CLMP: variants seen among roughly 807,000 people sequenced by gnomAD.
CLMP encodes the protein CXADR like cell adhesion molecule, also known as CXADR-like membrane protein.
In CLMP, 27 loss-of-function variants were observed where a neutral mutation model predicts 45.2. The ratio of observed to expected loss-of-function variants is 0.60; its 90% CI spans 0.44 to 0.82. CLMP has a LOEUF of 0.82. Among genes scored for constraint, CLMP ranks in the 40% least tolerant of loss-of-function variants. CLMP has a pLI of 0.00. For synonymous variants in CLMP, 167 were observed against 171.4 expected, an observed-to-expected ratio of 0.97 and a Z score of 0.20; for missense variants, 403 against 448.4, an observed-to-expected ratio of 0.90 and a Z score of 0.91.
At position 123,074,719 on chromosome 11, in the gene CLMP, C is replaced by G. The variant is rs368097591; in HGVS notation, c.804G>C (p.Glu268Asp). ...AGGTTTACCGAATTTCATTAGGTCTCTCTTCTTCCTCATATCTTTCTTTGT... is the reference window on the plus strand; with the variant it reads ...AGGTTTACCGAATTTCATTAGGTCTGTCTTCTTCCTCATATCTTTCTTTGT... ...RKDKERYEEE[E>D]RPNEIREDAE... The change falls in exon 6 of 7, where the codon GAG (glutamate) becomes GAC (aspartate). Residue 268 changes from glutamate (E) to aspartate (D), a missense_variant. Coordinates refer to ENST00000448775, the MANE Select transcript of CLMP (RefSeq NM_024769.5). 3.7e-6 allele frequency: 6 copies of G among 1,614,030 alleles called. No individual in the cohort carries two copies. Among genetic ancestry groups the G allele is most frequent in the Admixed American group, 1.7e-5 (1 of 59,976 alleles).
At chr11:123,186,431 G>C (rs1254805431) in intron 1 of CLMP, among the ~76,000 whole-genome samples, 1 of 152,096 alleles carries the variant, frequency 6.6e-6, no homozygotes, top group African/African-American at 2.4e-5. Flanking sequence ...ATGCCAAGCA[G>C]CGTAGAAGGG....
chr11:123,084,579 GC>G lies in CLMP; in HGVS notation c.320del (p.Gly107AlafsTer20). 6.2e-7 allele frequency: 1 copy of G among 1,614,170 alleles called. No individual in the cohort carries two copies. The highest frequency in any genetic ancestry group is 8.5e-7 in the Non-Finnish European group (1 of 1,180,022). On this transcript the variant is annotated frameshift_variant, in exon 3 of 7. Coordinates refer to ENST00000448775, the MANE Select transcript of CLMP (RefSeq NM_024769.5). LOFTEE classifies it high-confidence loss of function. ...AATTCTTAACCTTACAGGTGTACCG[GC>G]CCTCATCACTGGGCTTCAGAGGTTC... ...QIEPLKPSDE[G>X]RYTCKVKNSG...
In CLMP at chr11:123,073,751, G is replaced by A; in HGVS notation, c.845C>T (p.Ala282Val). 6.3e-7 allele frequency: 1 copy of A among 1,599,504 alleles called. No homozygotes were observed. The highest frequency in any genetic ancestry group is 8.5e-7 in the Non-Finnish European group (1 of 1,173,368). The change falls in exon 7 of 7, where the codon GCC (alanine) becomes GTC (valine). Residue 282 changes from alanine (A) to valine (V), a missense_variant. Physicochemically the swap from Ala to Val is moderately conservative, Grantham distance 64. Transcript: ENST00000448775. ...AGAGGAGCTGGGTTTCACAAGACGGGCTTTTGGAGCTTCAGCATCTTCTCT... is the reference window on the plus strand; with the variant it reads ...AGAGGAGCTGGGTTTCACAAGACGGACTTTTGGAGCTTCAGCATCTTCTCT... ...EIREDAEAPK[A>V]RLVKPSSSSS...
intron 2 of CLMP, among the ~76,000 whole-genome samples, chr11:123,090,678 C>T (rs1865921041): frequency 6.6e-6 from 1 of 152,130 alleles, no homozygotes; most frequent in Non-Finnish European, 1.5e-5. Context: ...TTCAAGAAGG[C>T]CCCTAAGGTT....
intron 5 of CLMP, among the ~76,000 whole-genome samples, chr11:123,079,759 T>C (rs546512108): frequency 1.6e-4 from 25 of 152,312 alleles, no homozygotes; most frequent in African/African-American, 5.8e-4. Flanking sequence ...TGTTGTGTTT[T>C]TAAGAAAAAT....
intron 5 of CLMP, among the ~76,000 whole-genome samples, chr11:123,080,671 A>T (rs1366429438): frequency 6.6e-6 from 1 of 152,174 alleles, no homozygotes; most frequent in Non-Finnish European, 1.5e-5. Flanking sequence ...CATTACTTGG[A>T]CATATTTTTA....
At chr11:123,096,532 AAAAT>A in intron 2 of CLMP, among the ~76,000 whole-genome samples, 1 of 152,270 alleles carries the variant, frequency 6.6e-6, no homozygotes, top group Admixed American at 6.6e-5. Flanking sequence ...CCAAAATAAA[AAAAT>A]AAATAAATCA....
chr11:123,124,502 T>C (rs1277785064), intron 1 of CLMP, among the ~76,000 whole-genome samples: 1 of 152,238 alleles, frequency 6.6e-6, no homozygotes, highest in Non-Finnish European at 1.5e-5. Context: ...CATGCAGGAC[T>C]ATCTGGCAGC....
intron 2 of CLMP, among the ~76,000 whole-genome samples, chr11:123,090,453 G>A (rs1005933905): frequency 6.6e-6 from 1 of 151,852 alleles, no homozygotes; most frequent in Admixed American, 6.6e-5. Context: ...GTGCCAGGCC[G>A]CAGTGATTGG....
Position 123,099,214 on chromosome 11 carries a change from C to T in CLMP, c.29-1262G>A, listed in dbSNP as rs115705900. On this transcript the variant is annotated intron_variant, in intron 1 of 6. Coordinates refer to ENST00000448775, the MANE Select transcript of CLMP (RefSeq NM_024769.5). ...ACTCATGGAAACTGCACTAAGTTGC[C>T]CAGAAACTCATGTTCTTAAGTTATA... is the stretch of plus-strand genomic sequence containing the variant. Among the ~76,000 whole-genome samples the T allele has an allele frequency of 5.2e-3, 790 of 152,210 alleles. 10 individuals carry two copies. The highest frequency in any genetic ancestry group is 0.018 in the African/African-American group (756 of 41,544).
intron 1 of CLMP, among the ~76,000 whole-genome samples, chr11:123,143,274 C>T (rs1015141760): frequency 6.6e-6 from 1 of 152,194 alleles, no homozygotes; most frequent in Non-Finnish European, 1.5e-5. Context: ...CTCCTACAAG[C>T]TGAGTGACTG....
chr11:123,177,724 T>A (rs1259190404), intron 1 of CLMP, among the ~76,000 whole-genome samples: 1 of 152,198 alleles, frequency 6.6e-6, no homozygotes, highest in Non-Finnish European at 1.5e-5. Context: ...ATGACACATG[T>A]TTAAAACATC....
At chr11:123,133,256 G>A (rs1401062465) in intron 1 of CLMP, among the ~76,000 whole-genome samples, 2 of 152,024 alleles carry the variant, frequency 1.3e-5, no homozygotes, top group African/African-American at 4.8e-5. Context: ...CTCCTTGACC[G>A]GGCCCTAGTC....
At chr11:123,094,165 T>C (rs1258863371) in intron 2 of CLMP, among the ~76,000 whole-genome samples, 1 of 152,024 alleles carries the variant, frequency 6.6e-6, no homozygotes, top group Non-Finnish European at 1.5e-5. Flanking sequence ...TGGAGTGCAG[T>C]GGCGCCATCT....
intron 2 of CLMP, among the ~76,000 whole-genome samples, chr11:123,097,158 C>T (rs1478205713): frequency 2.0e-5 from 3 of 151,688 alleles, no homozygotes; most frequent in Admixed American, 6.6e-5. Flanking sequence ...GGCCTGACAA[C>T]TTCTTATTTA....
chr11:123,133,998 G>A (rs1273942294), intron 1 of CLMP, among the ~76,000 whole-genome samples: 1 of 152,090 alleles, frequency 6.6e-6, no homozygotes, highest in Admixed American at 6.6e-5. Flanking sequence ...AGTGGCTCCT[G>A]TCTATAATCC....
At chr11:123,164,633 A>G (rs1861533932) in intron 1 of CLMP, among the ~76,000 whole-genome samples, 3 of 151,848 alleles carry the variant, frequency 2.0e-5, no homozygotes, top group South Asian at 2.1e-4. Flanking sequence ...TGAATGAAAA[A>G]CTAATCAAGT....
At chr11:123,174,201 C>A (rs1447651035) in intron 1 of CLMP, among the ~76,000 whole-genome samples, 2 of 152,188 alleles carry the variant, frequency 1.3e-5, no homozygotes, top group East Asian at 3.8e-4. Context: ...TCCTTCAGAG[C>A]AAGCTCTTCC....
At chr11:123,090,354 G>A (rs924884337) in intron 2 of CLMP, among the ~76,000 whole-genome samples, 1 of 151,546 alleles carries the variant, frequency 6.6e-6, no homozygotes, top group East Asian at 1.9e-4. Flanking sequence ...CTCAGGAGGT[G>A]GAGGTTGCGG....
Sources: gnomAD v4.1 joint callset for allele counts (sites outside exome capture counted in the v4.1 genomes callset) on GRCh38, gnomAD v4.1.1 for gene constraint, MANE v1.5 for transcripts, NCBI Gene and HGNC (gene_info 2026-07-23, HGNC 2026-07-21) for gene names.